The following VGLL3 variants were observed in gnomAD, a reference collection of about 807,000 sequenced individuals.
VGLL3 encodes vestigial like family member 3, also known as transcription cofactor vestigial-like protein 3.
A neutral mutation model predicts 29.2 loss-of-function variants in VGLL3; 18 were observed. The ratio of observed to expected loss-of-function variants is 0.62; its 90% CI spans 0.43 to 0.91. The LOEUF is 0.91. Among genes scored for constraint, VGLL3 ranks in the 40% least tolerant of loss-of-function variants. The pLI, the probability that VGLL3 is intolerant of heterozygous loss-of-function variation, is 0.00. For missense variants in VGLL3, 440 were observed against 413.2 expected (o/e 1.06, Z -0.56); for synonymous variants, 180 against 151.8 (o/e 1.19, Z -1.36).
intron 1 of VGLL3, among the ~76,000 whole-genome samples, chr3:86,986,005 T>C (rs1705432942): frequency 6.7e-6 from 1 of 149,984 alleles, no homozygotes; most frequent in Admixed American, 6.8e-5. Flanking sequence ...TTTGCACAGA[T>C]AGATATGACA....
chr3:86,979,039 C>T (rs1705270940), intron 1 of VGLL3, among the ~76,000 whole-genome samples: 1 of 152,108 alleles, frequency 6.6e-6, no homozygotes, highest in African/African-American at 2.4e-5. Context: ...ACATAAAAGC[C>T]CATTATCAAA....
Position 86,939,125 on chromosome 3 carries a change from T to C in VGLL3, c.*7899A>G, listed in dbSNP as rs1305502458. On this transcript the variant is annotated 3_prime_UTR_variant, in exon 4 of 4. Coordinates refer to ENST00000398399, the MANE Select transcript of VGLL3 (RefSeq NM_016206.4). The stretch of plus-strand genomic sequence containing the variant: ...ATTTTCTTTACATGCAATTATTTAA[T>C]GAATGAAGATAAACCCCCACACAAA... 4 of 152,226 alleles carry C rather than the reference T, an allele frequency of 2.6e-5. No homozygotes were observed. The highest frequency in any genetic ancestry group is 7.2e-5 in the African/African-American group (3 of 41,460). 9.4% of individuals were successfully genotyped at this position (152,226 alleles called of 1,614,324 possible).
rs750874561 is a variant in VGLL3, at chr3:86,969,141, A to C, written c.404-18T>G. ...TGAGCTGTCTGAGAAGACAGAAAAT[A>C]AAAAACATTATTAACATAAGACTCA... is the stretch of plus-strand genomic sequence containing the variant. On this transcript the variant is annotated intron_variant, in intron 2 of 3. Coordinates refer to ENST00000398399, the MANE Select transcript of VGLL3 (RefSeq NM_016206.4). 4 of 1,540,170 alleles carry C rather than the reference A, an allele frequency of 2.6e-6. No individual in the cohort carries two copies. The East Asian group carries it at 9.1e-5, about 35-fold the overall frequency.
intron 1 of VGLL3, among the ~76,000 whole-genome samples, chr3:86,981,976 T>G (rs1281931242): frequency 6.6e-6 from 1 of 152,152 alleles, no homozygotes; most frequent in Non-Finnish European, 1.5e-5. Flanking sequence ...GCATACTTGT[T>G]TTTAACATTA....
intron 3 of VGLL3, 53 bp from the exon 4 acceptor site, chr3:86,947,120 CA>C: frequency 2.6e-6 from 2 of 776,102 alleles, no homozygotes; most frequent in East Asian, 2.4e-5. Context: ...CATATGGTAC[CA>C]AAAATAAGCA....
chr3:86,957,366 T>C lies in VGLL3; in HGVS notation c.938-10299A>G, dbSNP rs575026986. ...AGACAAAATAAAAATGACAGATGCA[T>C]TCACAGCTTGCACCTCAATTCTTCA... is the stretch of plus-strand genomic sequence containing the variant. On this transcript the variant is annotated intron_variant, in intron 3 of 3. Transcript: ENST00000398399. Among the ~76,000 whole-genome samples the C allele has an allele frequency of 1.2e-4, 19 of 152,334 alleles. No homozygotes were observed. In the East Asian group the frequency reaches 3.7e-3, roughly 29 times the overall value.
At chr3:86,955,458 C>T (rs948047950) in intron 3 of VGLL3, among the ~76,000 whole-genome samples, 31 of 149,360 alleles carry the variant, frequency 2.1e-4, no homozygotes, top group East Asian at 3.9e-4. Flanking sequence ...GGTACCATCT[C>T]GGCTCACTGC....
intron 1 of VGLL3, among the ~76,000 whole-genome samples, chr3:86,988,330 C>T (rs1030130050): frequency 6.6e-6 from 1 of 151,810 alleles, no homozygotes; most frequent in Non-Finnish European, 1.5e-5. Flanking sequence ...GGGTCACTTC[C>T]CATGTACGGA....
At chr3:86,962,106 T>C in intron 3 of VGLL3, 1 of 985,164 alleles carries the variant, frequency 1.0e-6, no homozygotes, top group Non-Finnish European at 1.2e-6. Context: ...TAAAGACTGA[T>C]AAAGGAAAGG....
chr3:86,973,072 A>AC (rs530090413), intron 2 of VGLL3, among the ~76,000 whole-genome samples: 86 of 148,116 alleles, frequency 5.8e-4, no homozygotes, highest in African/African-American at 2.0e-3. Context: ...TCTTAAAAAA[A>AC]ACACACACAC....
chr3:86,962,716 C>T (rs1199637351), intron 3 of VGLL3: 2 of 771,094 alleles, frequency 2.6e-6, no homozygotes, highest in Admixed American at 6.3e-5. Flanking sequence ...CACACATTTA[C>T]TTAAAAATTT....
At chr3:86,967,282 A>T in intron 3 of VGLL3, among the ~76,000 whole-genome samples, 1 of 152,136 alleles carries the variant, frequency 6.6e-6, no homozygotes, top group East Asian at 1.9e-4. Context: ...CAGGCATCAA[A>T]TGACTCCCAA....
intron 1 of VGLL3, among the ~76,000 whole-genome samples, chr3:86,988,739 C>A (rs960746081): frequency 9.2e-4 from 45 of 49,136 alleles, no homozygotes; most frequent in African/African-American, 2.1e-3. Context: ...AATTTCCAAG[C>A]ACCTCCCTAT....
Position 86,966,872 on chromosome 3 carries a change from T to C in VGLL3, c.937+1718A>G, listed in dbSNP as rs961965617. Among the ~76,000 whole-genome samples, 3 of 144,158 alleles carry C rather than the reference T, an allele frequency of 2.1e-5. No homozygotes were observed. In the Admixed American group the frequency reaches 2.1e-4, roughly 10 times the overall value. The allele number at this position is 144,158 out of a possible 152,430, so 94.6% of individuals were successfully genotyped here. On this transcript the variant is annotated intron_variant, in intron 3 of 3. Transcript: ENST00000398399. ...ATTGTGAGTAATAAATGCTCATTCA[T>C]AGCTCTGTAAGTATGAAGAGTTATT...
chr3:86,970,550 A>G (rs1245250444), intron 2 of VGLL3, among the ~76,000 whole-genome samples: 1 of 151,872 alleles, frequency 6.6e-6, no homozygotes, highest in Non-Finnish European at 1.5e-5. Flanking sequence ...TGAAAGACAA[A>G]AAGAGTTCCA....
intron 2 of VGLL3, among the ~76,000 whole-genome samples, chr3:86,975,385 T>A (rs72916086): frequency 0.088 from 13,416 of 152,224 alleles, 1,574 homozygotes; most frequent in African/African-American, 0.27. Context: ...TCTAAATCTG[T>A]CTAATTCACA....
rs1262943344 is a variant in VGLL3 at position 86,939,072 on chromosome 3, A to G, written c.*7952T>C. 2 of 152,222 alleles carry G rather than the reference A, an allele frequency of 1.3e-5. No homozygotes were observed. The highest frequency in any genetic ancestry group is 2.9e-5 in the Non-Finnish European group (2 of 68,048). 9.4% of individuals were successfully genotyped at this position (152,222 alleles called of 1,614,324 possible). On this transcript the variant is annotated 3_prime_UTR_variant, in exon 4 of 4. Coordinates refer to ENST00000398399, the MANE Select transcript of VGLL3 (RefSeq NM_016206.4). ...TGGATTCTGAAGCACTATAATAACT[A>G]CATGAAACATTTGAAATAGTGACAG...
In VGLL3 at chr3:86,945,366, C is replaced by T. The variant is rs1704485878; in HGVS notation, c.*1658G>A. ...AAAAAGTTCGCATATATGATACGAA[C>T]AATTAAAGATAGAAAGTGGCATTTC... On this transcript the variant is annotated 3_prime_UTR_variant, in exon 4 of 4. Coordinates refer to ENST00000398399, the MANE Select transcript of VGLL3 (RefSeq NM_016206.4). 1 of 152,032 alleles carries T rather than the reference C, an allele frequency of 6.6e-6. No individual in the cohort carries two copies. Among genetic ancestry groups the T allele is most frequent in the African/African-American group, 2.4e-5 (1 of 41,390 alleles). 9.4% of individuals were successfully genotyped at this position (152,032 alleles called of 1,614,324 possible). A position where few individuals can be genotyped will look rare whatever the true frequency, so the allele number is the denominator to read the frequency against.
intron 3 of VGLL3, chr3:86,962,666 C>T: frequency 1.2e-6 from 1 of 866,150 alleles, no homozygotes; most frequent in African/African-American, 1.8e-5. Flanking sequence ...TCTCTTAACC[C>T]CACAGTTCTA....
Sources: gnomAD v4.1 joint callset for allele counts (sites outside exome capture counted in the v4.1 genomes callset) on GRCh38, gnomAD v4.1.1 for gene constraint, MANE v1.5 for transcripts, NCBI Gene and HGNC (gene_info 2026-07-23, HGNC 2026-07-21) for gene names.